The following RUNX1T1 variants were observed in gnomAD, a reference collection of about 807,000 sequenced individuals.
RUNX1T1 encodes RUNX1 partner transcriptional co-repressor 1.
A neutral mutation model predicts 62.8 loss-of-function variants in RUNX1T1; 4 were observed. That is an observed-to-expected ratio of 0.06 (90% CI 0.03 to 0.15). RUNX1T1 has a LOEUF of 0.15. RUNX1T1 is among the 10% of genes least tolerant of loss of function. The pLI is 1.00. For synonymous variants in RUNX1T1, 291 were observed against 286.0 expected (o/e 1.02, Z -0.18); for missense variants, 508 against 754.3 (o/e 0.67, Z 3.82).
Position 91,979,878 on chromosome 8 carries a change from T to C in RUNX1T1, c.1199-3905A>G, listed in dbSNP as rs780788572. ...TTTGGAGAAGCAATGTGACCTCATA[T>C]GACCCAGGACAGCAATGCTCAAAGC... On this transcript the variant is annotated intron_variant, in intron 8 of 10. Coordinates refer to ENST00000396218, the Ensembl canonical transcript of RUNX1T1. 3.6e-5 allele frequency: 19 copies of C among 531,554 alleles called. No individual in the cohort carries two copies. The Admixed American group carries it at 4.0e-4, about 11-fold the overall frequency. The allele number at this position is 531,554 out of a possible 1,614,324, so 32.9% of individuals were successfully genotyped here. A position where few individuals can be genotyped will look rare whatever the true frequency, so the allele number is the denominator to read the frequency against.
At chr8:92,017,965 T>A (rs1823339137) in intron 1 of RUNX1T1, among the ~76,000 whole-genome samples, 1 of 152,206 alleles carries the variant, frequency 6.6e-6, no homozygotes, top group Non-Finnish European at 1.5e-5. Context: ...GAAGTGAAAC[T>A]ATTATTTACT....
At chr8:91,970,018 C>CTGTGTGTG (rs1554595112) in intron 10 of RUNX1T1, among the ~76,000 whole-genome samples, 6 of 142,544 alleles carry the variant, frequency 4.2e-5, no homozygotes, top group African/African-American at 1.1e-4. Context: ...TTTAGGCTAG[C>CTGTGTGTG]TGTGTGTGTG....
chr8:92,088,084 T>C (rs1220772327), intron 1 of RUNX1T1, among the ~76,000 whole-genome samples: 1 of 152,210 alleles, frequency 6.6e-6, no homozygotes, highest in Non-Finnish European at 1.5e-5. Flanking sequence ...AATGAAAATG[T>C]GTGACAGGTG....
At chr8:92,102,433 A>AG (rs1563956030), upstream of RUNX1T1, among the ~76,000 whole-genome samples, 1 of 151,876 alleles carries the variant, frequency 6.6e-6, no homozygotes, top group African/African-American at 2.4e-5. The surrounding 1 kb of genome is among the most constrained non-coding windows in gnomAD (Gnocchi z 4.5). Context: ...GAAAAAAAAA[A>AG]AAAAGAAAGG....
intron 2 of RUNX1T1, among the ~76,000 whole-genome samples, chr8:92,069,741 T>C (rs1833404893): frequency 6.6e-6 from 1 of 152,188 alleles, no homozygotes; most frequent in Non-Finnish European, 1.5e-5. Flanking sequence ...TAATGCTGTA[T>C]ATGTTGAAAT....
intron 1 of RUNX1T1, among the ~76,000 whole-genome samples, chr8:92,061,506 T>C (rs1832026258): frequency 6.6e-6 from 1 of 152,340 alleles, no homozygotes; most frequent in African/African-American, 2.4e-5. Flanking sequence ...AGTCTACTAA[T>C]GAAAAAGTGC....
chr8:92,031,814 G>A (rs1169032847), intron 1 of RUNX1T1, among the ~76,000 whole-genome samples: 1 of 152,028 alleles, frequency 6.6e-6, no homozygotes, highest in Non-Finnish European at 1.5e-5. Context: ...TTTATTTAAA[G>A]CAAGACATGG....
Position 91,999,364 on chromosome 8 carries a change from C to T in RUNX1T1, c.659+5752G>A, listed in dbSNP as rs1819325950. Among the ~76,000 whole-genome samples, 3 of 152,160 alleles carry T rather than the reference C, an allele frequency of 2.0e-5. No individual in the cohort carries two copies. In the South Asian group the frequency reaches 6.2e-4, roughly 32 times the overall value. ...GCCATATAAACTCAAGAGGCTTAATCCTCTAAGAGCCTCAGTGTTTCTGCC... is the reference window on the plus strand; with the variant it reads ...GCCATATAAACTCAAGAGGCTTAATTCTCTAAGAGCCTCAGTGTTTCTGCC... On this transcript the variant is annotated intron_variant, in intron 5 of 10. Coordinates refer to ENST00000396218, the Ensembl canonical transcript of RUNX1T1.
At chr8:92,046,176 A>G (rs1282917752) in intron 1 of RUNX1T1, among the ~76,000 whole-genome samples, 2 of 152,118 alleles carry the variant, frequency 1.3e-5, no homozygotes, top group South Asian at 2.1e-4. Context: ...GACTTTTAAT[A>G]TGTTCATGGA....
intron 10 of RUNX1T1, among the ~76,000 whole-genome samples, chr8:91,965,271 T>C (rs1281270576): frequency 6.6e-6 from 1 of 152,212 alleles, no homozygotes; most frequent in Non-Finnish European, 1.5e-5. Flanking sequence ...CTTCATTTGC[T>C]GTCCTCAAAA....
At position 92,032,947 on chromosome 8, in the gene RUNX1T1, CT is replaced by C. The variant is rs576357494; in HGVS notation, c.8-15585del. On this transcript the variant is annotated intron_variant, in intron 1 of 10. Transcript: ENST00000396218. The stretch of plus-strand genomic sequence containing the variant: ...GTATTTTTTTAAATTAAAACAAGAT[CT>C]TTTTTTCATCCAACAAAATGATAGT... 2.1e-3 allele frequency among the ~76,000 whole-genome samples: 319 copies of C among 152,118 alleles called. 2 individuals are homozygous for C. Among genetic ancestry groups the C allele is most frequent in the African/African-American group, 7.3e-3 (303 of 41,498 alleles).
At chr8:92,007,598 C>T (rs1821031886) in intron 4 of RUNX1T1, among the ~76,000 whole-genome samples, 1 of 152,122 alleles carries the variant, frequency 6.6e-6, no homozygotes, top group Admixed American at 6.5e-5. Context: ...TAGTACTACA[C>T]ACCTAGAATA....
intron 2 of RUNX1T1, among the ~76,000 whole-genome samples, chr8:92,071,809 G>C (rs1486115351): frequency 6.6e-6 from 1 of 152,090 alleles, no homozygotes; most frequent in East Asian, 1.9e-4. Context: ...CCGAAGCTGC[G>C]GCTCCATGGT....
intron 1 of RUNX1T1, among the ~76,000 whole-genome samples, chr8:92,077,362 A>T (rs1171626002): frequency 1.3e-5 from 2 of 152,136 alleles, no homozygotes; most frequent in Non-Finnish European, 2.9e-5. Flanking sequence ...ATGATAAAGC[A>T]AAAAATTTCA....
At chr8:92,035,822 C>T (rs1297854191) in intron 1 of RUNX1T1, among the ~76,000 whole-genome samples, 1 of 151,996 alleles carries the variant, frequency 6.6e-6, no homozygotes, top group Admixed American at 6.6e-5. Flanking sequence ...CTTTCACCTT[C>T]CATATTTCCA....
At chr8:91,955,890 A>T (rs1395346806), downstream of RUNX1T1, 1 of 228,990 alleles carries the variant, frequency 4.4e-6, no homozygotes, top group African/African-American at 2.2e-5. Context: ...AGAATGAAAA[A>T]ATATGTGTCA....
upstream of RUNX1T1, among the ~76,000 whole-genome samples, chr8:92,063,807 C>T (rs1832443430): frequency 6.6e-6 from 1 of 152,140 alleles, no homozygotes; most frequent in African/African-American, 2.4e-5. Flanking sequence ...TTTGTTTCAA[C>T]AACAGGGCAC....
chr8:91,959,412 TTGTGTGTGTGTGTGTGTGTG>T (rs56037232), exon 11 of RUNX1T1: 2,052 of 139,256 alleles, frequency 0.015, 148 homozygotes, highest in South Asian at 0.018. Flanking sequence ...AGTCTCTTAC[TTGTGTGTGTGTGTGTGTGTG>T]TGTGTGTGTG....
chr8:92,095,135 A>G (rs1837600996), intron 1 of RUNX1T1: 1 of 1,535,142 alleles, frequency 6.5e-7, no homozygotes, highest in Non-Finnish European at 8.7e-7. Context: ...TCTCTTTCTC[A>G]CTCTGCTAAT....
Sources: allele counts gnomAD v4.1 joint callset (sites outside exome capture counted in the v4.1 genomes callset), GRCh38; gene constraint gnomAD v4.1.1; non-coding constraint Gnocchi (gnomAD v3.1); transcripts MANE v1.5; gene names NCBI Gene and HGNC (gene_info 2026-07-23, HGNC 2026-07-21).